The following CNTNAP2 variants were observed in gnomAD, a reference collection of about 807,000 sequenced individuals.
CNTNAP2 encodes contactin-associated protein-like 2.
CNTNAP2 carries 98 observed loss-of-function variants against 155.2 expected under a neutral mutation model. The observed-to-expected ratio is 0.63, with a 90% CI of 0.54 to 0.75. The LOEUF is 0.75. CNTNAP2 is among the 30% of genes least tolerant of loss of function. The pLI is 0.00. For synonymous variants in CNTNAP2, 651 were observed against 631.2 expected, an observed-to-expected ratio of 1.03 and a Z score of -0.47; for missense variants, 1,727 against 1,688.1, an observed-to-expected ratio of 1.02 and a Z score of -0.40.
At chr7:146,842,313 A>G (rs933431885) in intron 3 of CNTNAP2, among the ~76,000 whole-genome samples, 2 of 152,128 alleles carry the variant, frequency 1.3e-5, no homozygotes, top group Non-Finnish European at 2.9e-5. Flanking sequence ...TCTTAAGGTG[A>G]TAAAGGTGCA....
At chr7:146,422,359 G>GTATATATATATATATATATATATATA (rs971506491) in intron 1 of CNTNAP2, among the ~76,000 whole-genome samples, 6 of 148,156 alleles carry the variant, frequency 4.0e-5, no homozygotes, top group African/African-American at 1.2e-4. Context: ...GTATATATAT[G>GTATATATATATATATATATATATATA]TATATATATA....
At chr7:148,223,630 A>G (rs1240693650) in intron 19 of CNTNAP2, among the ~76,000 whole-genome samples, 1 of 152,226 alleles carries the variant, frequency 6.6e-6, no homozygotes, top group Non-Finnish European at 1.5e-5. Flanking sequence ...GTTATCTGAA[A>G]GGAATAAATA....
chr7:147,074,948 C>T (rs1436211742), intron 4 of CNTNAP2, among the ~76,000 whole-genome samples: 1 of 152,018 alleles, frequency 6.6e-6, no homozygotes, highest in African/African-American at 2.4e-5. Flanking sequence ...TATAACCAAG[C>T]TCAGTGAGGG....
At chr7:148,055,068 A>G (rs578119457) in intron 15 of CNTNAP2, among the ~76,000 whole-genome samples, 1 of 151,952 alleles carries the variant, frequency 6.6e-6, no homozygotes, top group South Asian at 2.1e-4. Context: ...TATTTTTAGT[A>G]GAGACGGGTT....
chr7:148,052,246 T>A (rs1285981990), intron 15 of CNTNAP2, among the ~76,000 whole-genome samples: 1 of 149,380 alleles, frequency 6.7e-6, no homozygotes, highest in Admixed American at 6.7e-5. Flanking sequence ...AATCAACAAA[T>A]TAAAAACTGA....
rs181445864 is a variant in CNTNAP2, at chr7:147,134,578, A to G, written c.1348+2069A>G. On this transcript the variant is annotated intron_variant, in intron 8 of 23. Transcript: ENST00000361727. Reference sequence around the variant, plus strand: ...AACTAAGTGCTCATATTTGAGAAACATTAGTTGAAAAAAAAATTCAACCAT... The same window carrying G: ...AACTAAGTGCTCATATTTGAGAAACGTTAGTTGAAAAAAAAATTCAACCAT... Among the ~76,000 whole-genome samples, 661 of 151,884 alleles carry G rather than the reference A, an allele frequency of 4.4e-3. 6 individuals are homozygous for G. The highest frequency in any genetic ancestry group is 0.015 in the African/African-American group (630 of 41,496).
chr7:146,369,467 TC>T lies in CNTNAP2; in HGVS notation c.97+252495del, dbSNP rs1477022952. ...GTCCCTTAACCTATGATACGGGCAT[TC>T]TTTATTTTGATAGATGCTGCAGAAT... On this transcript the variant is annotated intron_variant, in intron 1 of 23. Coordinates refer to ENST00000361727, the MANE Select transcript of CNTNAP2 (RefSeq NM_014141.6). Among the ~76,000 whole-genome samples the T allele has an allele frequency of 4.6e-5, 7 of 152,296 alleles. No individual in the cohort carries two copies. In the East Asian group the frequency reaches 1.4e-3, roughly 29 times the overall value.
chr7:148,395,129 C>G (rs1425589191), intron 22 of CNTNAP2, among the ~76,000 whole-genome samples: 1 of 133,602 alleles, frequency 7.5e-6, no homozygotes, highest in East Asian at 2.1e-4. Flanking sequence ...ACCCCCCCCC[C>G]TTATTGATTA....
intron 1 of CNTNAP2, among the ~76,000 whole-genome samples, chr7:146,619,418 T>TA (rs928030920): frequency 3.5e-4 from 53 of 152,272 alleles, no homozygotes; most frequent in African/African-American, 1.2e-3. Context: ...AATTTGTTAT[T>TA]AATATTAACT....
At chr7:146,436,969 C>T (rs995348470) in intron 1 of CNTNAP2, among the ~76,000 whole-genome samples, 1 of 151,298 alleles carries the variant, frequency 6.6e-6, no homozygotes, top group African/African-American at 2.5e-5. Context: ...AATTCTAAAC[C>T]ATGGGTCCCC....
intron 5 of CNTNAP2, 34 bp from the exon 6 acceptor site, chr7:147,120,945 T>C (rs1409991119): frequency 1.9e-6 from 3 of 1,605,290 alleles, no homozygotes; most frequent in Non-Finnish European, 2.6e-6. Context: ...CATAGCATCA[T>C]TGCATTGTTT....
At chr7:147,452,479 TTAAATC>T (rs1797849290) in intron 10 of CNTNAP2, among the ~76,000 whole-genome samples, 1 of 152,160 alleles carries the variant, frequency 6.6e-6, no homozygotes, top group Non-Finnish European at 1.5e-5. Flanking sequence ...GGGCATTTCT[TTAAATC>T]TAATTAAAAG....
intron 3 of CNTNAP2, among the ~76,000 whole-genome samples, chr7:146,904,740 G>A (rs1412901970): frequency 6.6e-6 from 1 of 152,112 alleles, no homozygotes. Flanking sequence ...CAAAGTGCTG[G>A]GATTACAGGC....
chr7:148,180,813 C>A (rs918985754), intron 18 of CNTNAP2, among the ~76,000 whole-genome samples: 4 of 152,092 alleles, frequency 2.6e-5, no homozygotes, highest in African/African-American at 9.7e-5. Context: ...GTGCTTTAGC[C>A]CCTACACCTA....
At chr7:147,336,180 T>C (rs1015958362) in intron 9 of CNTNAP2, among the ~76,000 whole-genome samples, 1 of 152,186 alleles carries the variant, frequency 6.6e-6, no homozygotes, top group Non-Finnish European at 1.5e-5. Context: ...TCTTGAATAC[T>C]AGGTGATTTT....
intron 21 of CNTNAP2, among the ~76,000 whole-genome samples, chr7:148,351,698 A>T (rs1199320512): frequency 7.1e-6 from 1 of 140,628 alleles, no homozygotes; most frequent in Non-Finnish European, 1.5e-5. Context: ...AGCCGAGATC[A>T]CGCCTCTGCA....
intron 1 of CNTNAP2, among the ~76,000 whole-genome samples, chr7:146,291,905 G>A (rs547110968): frequency 7.4e-4 from 113 of 152,078 alleles, no homozygotes; most frequent in African/African-American, 2.5e-3. Flanking sequence ...TAAAAATGTC[G>A]TGCACATAAA....
At chr7:146,431,854 A>T (rs535382282) in intron 1 of CNTNAP2, among the ~76,000 whole-genome samples, 2 of 152,202 alleles carry the variant, frequency 1.3e-5, no homozygotes, top group African/African-American at 4.8e-5. Context: ...TTATTGGATT[A>T]TCCTTCTGGC....
chr7:148,260,848 G>T (rs1796546518), intron 20 of CNTNAP2, among the ~76,000 whole-genome samples: 1 of 152,292 alleles, frequency 6.6e-6, no homozygotes, highest in Non-Finnish European at 1.5e-5. Flanking sequence ...AGGCATGTGA[G>T]GGCCTTCACA....
Sources: allele counts gnomAD v4.1 joint callset (sites outside exome capture counted in the v4.1 genomes callset), GRCh38; gene constraint gnomAD v4.1.1; transcripts MANE v1.5; gene names NCBI Gene and HGNC (gene_info 2026-07-23, HGNC 2026-07-21).